PEX5L: variants seen among roughly 807,000 people sequenced by gnomAD.
PEX5L encodes PEX5-related protein.
A neutral mutation model predicts 84.0 loss-of-function variants in PEX5L; 30 were observed. The observed-to-expected ratio is 0.36, with a 90% CI of 0.27 to 0.48. The LOEUF is 0.48. Among genes scored for constraint, PEX5L ranks in the 20% least tolerant of loss-of-function variants. PEX5L has a pLI of 0.99. For missense variants in PEX5L, 533 were observed against 754.6 expected, an observed-to-expected ratio of 0.71 and a Z score of 3.44; for synonymous variants, 270 against 283.1, an observed-to-expected ratio of 0.95 and a Z score of 0.46.
chr3:179,929,834 C>T (rs1408656037), intron 2 of PEX5L, among the ~76,000 whole-genome samples: 1 of 152,192 alleles, frequency 6.6e-6, no homozygotes, highest in Non-Finnish European at 1.5e-5. Context: ...AAATCTGTCC[C>T]GGTGACCTGC....
At chr3:179,849,246 AG>A (rs1740829753) in intron 8 of PEX5L, among the ~76,000 whole-genome samples, 3 of 152,310 alleles carry the variant, frequency 2.0e-5, no homozygotes, top group African/African-American at 7.2e-5. Flanking sequence ...TAATTAATAC[AG>A]TTCTATTACT....
At chr3:179,827,635 T>C (rs1349313232) in intron 8 of PEX5L, among the ~76,000 whole-genome samples, 10 of 152,182 alleles carry the variant, frequency 6.6e-5, no homozygotes, top group Admixed American at 5.2e-4. Context: ...TTTACTACTT[T>C]AGGCCAGAGG....
At chr3:179,825,604 G>GA (rs11420270) in intron 8 of PEX5L, among the ~76,000 whole-genome samples, 95,862 of 150,764 alleles carry the variant, frequency 0.64, 30,678 homozygotes, top group East Asian at 0.76. Flanking sequence ...GGGTATGCTG[G>GA]AAAAAAAAAG....
chr3:180,029,934 G>A (rs940280537), intron 1 of PEX5L, among the ~76,000 whole-genome samples: 2 of 152,178 alleles, frequency 1.3e-5, no homozygotes, highest in South Asian at 4.2e-4. Flanking sequence ...GGGAGGTGAA[G>A]GGGTGCTTTG....
chr3:179,893,188 T>C (rs1156525551), intron 3 of PEX5L, among the ~76,000 whole-genome samples: 1 of 152,148 alleles, frequency 6.6e-6, no homozygotes, highest in Non-Finnish European at 1.5e-5. Flanking sequence ...TAATTAATAT[T>C]AGCTACCATA....
chr3:179,805,351 A>G (rs1188118946), intron 14 of PEX5L, among the ~76,000 whole-genome samples: 2 of 152,130 alleles, frequency 1.3e-5, no homozygotes, highest in Non-Finnish European at 2.9e-5. Flanking sequence ...ATCCCTTGGT[A>G]TCCGTGGGGG....
intron 2 of PEX5L, among the ~76,000 whole-genome samples, chr3:179,925,307 T>G (rs572114338): frequency 6.6e-6 from 1 of 152,330 alleles, no homozygotes; most frequent in Non-Finnish European, 1.5e-5. Flanking sequence ...ACTCCCCATC[T>G]GCCTAGCTCA....
intron 1 of PEX5L, among the ~76,000 whole-genome samples, chr3:180,012,896 C>T (rs974780027): frequency 9.5e-4 from 144 of 151,996 alleles, no homozygotes; most frequent in East Asian, 1.9e-3. Flanking sequence ...GTCTCTGAAT[C>T]ACACTGAAAA....
In PEX5L at chr3:179,807,872, G is replaced by A. The variant is rs566918610; in HGVS notation, c.1519-41C>T. On this transcript the variant is annotated intron_variant, in intron 13 of 14. Transcript: ENST00000467460. ...GAACTTTCTAACAACCCAGTACAAGGCACAATGACAGAGCATTCCTGTATT... is the reference window on the plus strand; with the variant it reads ...GAACTTTCTAACAACCCAGTACAAGACACAATGACAGAGCATTCCTGTATT... 8.1e-5 allele frequency: 127 copies of A among 1,560,194 alleles called. No individual in the cohort carries two copies. In the South Asian group the frequency reaches 1.4e-3, roughly 17 times the overall value.
chr3:179,949,415 A>G lies in PEX5L; in HGVS notation c.93+22179T>C, dbSNP rs370626088. On this transcript the variant is annotated intron_variant, in intron 2 of 14. Coordinates refer to ENST00000467460, the MANE Select transcript of PEX5L (RefSeq NM_016559.3). ...GTTGCATGTCAGTATAAACTCTGTCAGCATGACTTTAAATTGCCCCTAGTA... is the reference window on the plus strand; with the variant it reads ...GTTGCATGTCAGTATAAACTCTGTCGGCATGACTTTAAATTGCCCCTAGTA... Among the ~76,000 whole-genome samples, 24 of 152,312 alleles carry G rather than the reference A, an allele frequency of 1.6e-4. No individual in the cohort carries two copies. In the East Asian group the frequency reaches 1.7e-3, roughly 11 times the overall value.
chr3:179,870,784 C>T (rs4855121), intron 7 of PEX5L, among the ~76,000 whole-genome samples: 147,695 of 152,264 alleles, frequency 0.97, 71,666 homozygotes, highest in East Asian at 1. Flanking sequence ...CTCCTGTTAA[C>T]CAGTTTGTTT....
At chr3:179,939,227 T>A (rs780471061) in intron 2 of PEX5L, among the ~76,000 whole-genome samples, 60 of 152,094 alleles carry the variant, frequency 3.9e-4, no homozygotes, top group Non-Finnish European at 6.9e-4. Context: ...AAACCAGGAG[T>A]GATCAGCTCT....
intron 2 of PEX5L, among the ~76,000 whole-genome samples, chr3:179,919,906 T>A (rs1294195268): frequency 6.6e-6 from 1 of 152,182 alleles, no homozygotes; most frequent in Non-Finnish European, 1.5e-5. Context: ...TTTCACCATG[T>A]TGGCCAAGCT....
chr3:179,957,196 A>G (rs376065067), intron 2 of PEX5L, among the ~76,000 whole-genome samples: 76 of 152,332 alleles, frequency 5.0e-4, no homozygotes, highest in African/African-American at 1.8e-3. Flanking sequence ...CAAAAGTGAG[A>G]GTATGCAAAA....
At chr3:179,840,146 T>A (rs887186030) in intron 8 of PEX5L, among the ~76,000 whole-genome samples, 27 of 150,522 alleles carry the variant, frequency 1.8e-4, no homozygotes, top group African/African-American at 6.4e-4. Flanking sequence ...TGGAAAACTA[T>A]CGTCAAGTTG....
intron 14 of PEX5L, among the ~76,000 whole-genome samples, chr3:179,806,611 C>A (rs1295129468): frequency 1.3e-5 from 2 of 152,146 alleles, no homozygotes; most frequent in Non-Finnish European, 2.9e-5. Flanking sequence ...TTATACAGTT[C>A]TCTGATGACT....
At chr3:179,894,609 A>G (rs144099950) in intron 3 of PEX5L, among the ~76,000 whole-genome samples, 1 of 152,296 alleles carries the variant, frequency 6.6e-6, no homozygotes, top group East Asian at 1.9e-4. Flanking sequence ...ACAATTTTTT[A>G]AGTTAGAAAT....
At chr3:180,025,109 A>G (rs1181372767) in intron 1 of PEX5L, among the ~76,000 whole-genome samples, 1 of 152,200 alleles carries the variant, frequency 6.6e-6, no homozygotes, top group Non-Finnish European at 1.5e-5. Context: ...TGGCAATCTA[A>G]TTATAAGGTT....
intron 1 of PEX5L, among the ~76,000 whole-genome samples, chr3:180,010,871 C>T (rs1386552183): frequency 2.0e-5 from 3 of 151,948 alleles, no homozygotes; most frequent in East Asian, 1.9e-4. Context: ...TTTTTAAAAA[C>T]GTGCTTCTTG....
Sources: allele counts gnomAD v4.1 joint callset (sites outside exome capture counted in the v4.1 genomes callset), GRCh38; gene constraint gnomAD v4.1.1; transcripts MANE v1.5; gene names NCBI Gene and HGNC (gene_info 2026-07-23, HGNC 2026-07-21).